Variants in BICC1 observed in about 807,000 individuals in gnomAD.
BICC1 encodes the protein BicC family RNA binding protein 1.
In BICC1, 43 loss-of-function variants were observed where a neutral mutation model predicts 111.0. That is an observed-to-expected ratio of 0.39 (90% CI 0.30 to 0.50). BICC1 has a LOEUF of 0.50. Ranked by LOEUF, BICC1 falls within the 20% of genes least tolerant of loss-of-function variation. The pLI, the probability that BICC1 is intolerant of heterozygous loss-of-function variation, is 0.88. For missense variants in BICC1, 1,091 were observed against 1,203.2 expected (o/e 0.91, Z 1.38); for synonymous variants, 467 against 434.4 (o/e 1.07, Z -0.93).
At position 58,513,119 on chromosome 10, in the gene BICC1, G is replaced by T; in HGVS notation, c.-25G>T. On this transcript the variant is annotated 5_prime_UTR_variant, in exon 1 of 21. Transcript: ENST00000373886. ...CGCAGGCAGAGCGGCGGCGGCAGCGGGAGCCCGAGCGCTGCGCGCCCACCA... is the reference window on the plus strand; with the variant it reads ...CGCAGGCAGAGCGGCGGCGGCAGCGTGAGCCCGAGCGCTGCGCGCCCACCA... The T allele has an allele frequency of 2.2e-6, 3 of 1,391,634 alleles. No individual in the cohort carries two copies. Among genetic ancestry groups the T allele is most frequent in the Non-Finnish European group, 2.8e-6 (3 of 1,076,374 alleles). The allele number at this position is 1,391,634 out of a possible 1,614,324, so 86.2% of individuals were successfully genotyped here.
chr10:58,675,923 A>G (rs1233451996), intron 2 of BICC1, among the ~76,000 whole-genome samples: 1 of 152,200 alleles, frequency 6.6e-6, no homozygotes, highest in Non-Finnish European at 1.5e-5. Flanking sequence ...CTGCATTTCC[A>G]ACTGAGGTAC....
At chr10:58,614,584 A>AT (rs965537677) in intron 1 of BICC1, among the ~76,000 whole-genome samples, 19 of 151,886 alleles carry the variant, frequency 1.3e-4, no homozygotes, top group South Asian at 2.1e-4. Flanking sequence ...AATTTTAGTG[A>AT]TTTTTTTTCA....
At chr10:58,822,408 C>A (rs1410660315) in intron 20 of BICC1, among the ~76,000 whole-genome samples, 1 of 152,082 alleles carries the variant, frequency 6.6e-6, no homozygotes, top group Non-Finnish European at 1.5e-5. Context: ...ATATCAGTAT[C>A]TTTTGGGGGA....
chr10:58,518,881 C>T (rs1426266757), intron 1 of BICC1, among the ~76,000 whole-genome samples: 1 of 152,156 alleles, frequency 6.6e-6, no homozygotes, highest in Non-Finnish European at 1.5e-5. Context: ...GGAGCAAGCA[C>T]TCTCAGTCAC....
At chr10:58,513,889 G>A (rs1255988488) in intron 1 of BICC1, among the ~76,000 whole-genome samples, 2 of 152,210 alleles carry the variant, frequency 1.3e-5, no homozygotes, top group Non-Finnish European at 2.9e-5. Flanking sequence ...GGATCGGGGT[G>A]AGCAGCCAAA....
At chr10:58,654,920 C>A (rs1838582568) in intron 2 of BICC1, among the ~76,000 whole-genome samples, 1 of 140,906 alleles carries the variant, frequency 7.1e-6, no homozygotes, top group Non-Finnish European at 1.5e-5. Flanking sequence ...GTTTTCCCAG[C>A]ACCATTTATT....
chr10:58,768,146 A>G (rs1422962631), intron 3 of BICC1, among the ~76,000 whole-genome samples: 1 of 152,168 alleles, frequency 6.6e-6, no homozygotes, highest in Non-Finnish European at 1.5e-5. Flanking sequence ...CAAGACACAT[A>G]ATCTTATTGT....
At position 58,787,574 on chromosome 10, in the gene BICC1, C is replaced by T. The variant is rs1457729839; in HGVS notation, c.546+493C>T. Among the ~76,000 whole-genome samples, 4 of 152,160 alleles carry T rather than the reference C, an allele frequency of 2.6e-5. No individual in the cohort carries two copies. The East Asian group carries it at 7.7e-4, about 29-fold the overall frequency. On this transcript the variant is annotated intron_variant, in intron 5 of 20. Transcript: ENST00000373886. Reference sequence around the variant, plus strand: ...TCTGTTTGGCAGCAAATGGAACTCACCTGTCCTCATGCAAGCGGTTTCAGT... The same window carrying T: ...TCTGTTTGGCAGCAAATGGAACTCATCTGTCCTCATGCAAGCGGTTTCAGT...
chr10:58,686,745 G>C (rs970531918), intron 2 of BICC1, among the ~76,000 whole-genome samples: 1 of 152,062 alleles, frequency 6.6e-6, no homozygotes, highest in Non-Finnish European at 1.5e-5. Flanking sequence ...TCTCTACACT[G>C]TTTATTCTAG....
intron 1 of BICC1, among the ~76,000 whole-genome samples, chr10:58,538,324 C>T (rs1485143241): frequency 6.6e-6 from 1 of 151,594 alleles, no homozygotes; most frequent in Non-Finnish European, 1.5e-5. Flanking sequence ...AAGCCGAATA[C>T]TTACAACCAA....
chr10:58,678,156 A>G (rs1254678967), intron 2 of BICC1, among the ~76,000 whole-genome samples: 1 of 152,208 alleles, frequency 6.6e-6, no homozygotes. Context: ...ATAACGGGCA[A>G]AATAGCGTCA....
chr10:58,567,171 A>T (rs756134892), intron 1 of BICC1, among the ~76,000 whole-genome samples: 1 of 152,132 alleles, frequency 6.6e-6, no homozygotes, highest in Non-Finnish European at 1.5e-5. Context: ...GTGTTTTAAA[A>T]TGTCACAGAA....
rs372408660 is a variant in BICC1 at position 58,679,805 on chromosome 10, G to A, written c.238-22269G>A. Among the ~76,000 whole-genome samples, 13 of 152,182 alleles carry A rather than the reference G, an allele frequency of 8.5e-5. No homozygotes were observed. In the East Asian group the frequency reaches 1.3e-3, roughly 16 times the overall value. ...ATCCTCAATAAAATACTGGCAAACC[G>A]GATCCAGCAGCACATTAAAAAGCTT... On this transcript the variant is annotated intron_variant, in intron 2 of 20. Coordinates refer to ENST00000373886, the MANE Select transcript of BICC1 (RefSeq NM_001080512.3).
chr10:58,549,465 G>A (rs1186797799), intron 1 of BICC1, among the ~76,000 whole-genome samples: 1 of 152,106 alleles, frequency 6.6e-6, no homozygotes, highest in Admixed American at 6.6e-5. Context: ...GTTTGGTATT[G>A]TCAGTTTTTA....
chr10:58,515,697 A>G (rs1350024397), intron 1 of BICC1, among the ~76,000 whole-genome samples: 2 of 152,228 alleles, frequency 1.3e-5, no homozygotes, highest in Non-Finnish European at 2.9e-5. Context: ...GGATCTCAGG[A>G]AAGTTGCTAG....
At chr10:58,781,203 T>A (rs1186199414) in intron 3 of BICC1, among the ~76,000 whole-genome samples, 2 of 152,110 alleles carry the variant, frequency 1.3e-5, no homozygotes, top group African/African-American at 4.8e-5. Context: ...TTTAAAGAGG[T>A]GCTAAGATCA....
At chr10:58,575,355 G>T (rs1384433938) in intron 1 of BICC1, among the ~76,000 whole-genome samples, 2 of 152,046 alleles carry the variant, frequency 1.3e-5, no homozygotes, top group Admixed American at 1.3e-4. Context: ...CGTGGTTTCA[G>T]TGTTCTACCA....
At chr10:58,768,850 A>G (rs1337900909) in intron 3 of BICC1, among the ~76,000 whole-genome samples, 1 of 152,078 alleles carries the variant, frequency 6.6e-6, no homozygotes, top group African/African-American at 2.4e-5. Context: ...AAATCATGAA[A>G]TTACAAAGGA....
At chr10:58,589,980 C>T (rs1180730728) in intron 1 of BICC1, among the ~76,000 whole-genome samples, 1 of 152,046 alleles carries the variant, frequency 6.6e-6, no homozygotes, top group African/African-American at 2.4e-5. Context: ...TTAAGTTATA[C>T]AGCTTTTGTT....
Sources: gnomAD v4.1 joint callset for allele counts (sites outside exome capture counted in the v4.1 genomes callset) on GRCh38, gnomAD v4.1.1 for gene constraint, MANE v1.5 for transcripts, NCBI Gene and HGNC (gene_info 2026-07-23, HGNC 2026-07-21) for gene names.